The following PCED1B variants were observed in gnomAD, a reference collection of about 807,000 sequenced individuals.
The protein encoded by PCED1B is PC-esterase domain-containing protein 1B.
For synonymous variants in PCED1B, 251 were observed against 246.1 expected (o/e 1.02, Z -0.19); for missense variants, 573 against 573.9 (o/e 1.00, Z 0.02).
chr12:47,135,594 G>A (rs1364267029), intron 2 of PCED1B: 2 of 503,236 alleles, frequency 4.0e-6, no homozygotes, highest in Non-Finnish European at 8.1e-6. Flanking sequence ...TGGAGACACA[G>A]GCCTGGGCCC....
At chr12:47,159,860 T>C (rs1941313070) in intron 2 of PCED1B, among the ~76,000 whole-genome samples, 1 of 152,212 alleles carries the variant, frequency 6.6e-6, no homozygotes, top group South Asian at 2.1e-4. Context: ...CTAGTAGTTT[T>C]ATAGTTTCGG....
chr12:47,197,082 T>C (rs972282204), intron 2 of PCED1B, among the ~76,000 whole-genome samples: 4 of 146,252 alleles, frequency 2.7e-5, no homozygotes, highest in East Asian at 2.0e-4. Flanking sequence ...CTACTAAAAA[T>C]ATAAAAATTA....
intron 1 of PCED1B, among the ~76,000 whole-genome samples, chr12:47,095,301 A>T (rs973704285): frequency 6.6e-6 from 1 of 152,056 alleles, no homozygotes; most frequent in African/African-American, 2.4e-5. Context: ...ATGTTGATAA[A>T]TCAACTGTGA....
At chr12:47,217,841 T>G (rs893205549) in intron 3 of PCED1B, among the ~76,000 whole-genome samples, 1 of 152,180 alleles carries the variant, frequency 6.6e-6, no homozygotes, top group African/African-American at 2.4e-5. Flanking sequence ...CCTCCCAAAG[T>G]GTTGGGATTA....
At chr12:47,104,403 A>G (rs1938853664) in intron 2 of PCED1B, among the ~76,000 whole-genome samples, 1 of 152,230 alleles carries the variant, frequency 6.6e-6, no homozygotes, top group Non-Finnish European at 1.5e-5. Context: ...CATTGTATTG[A>G]AATGTTATGA....
intron 2 of PCED1B, among the ~76,000 whole-genome samples, chr12:47,110,834 A>G (rs1939161565): frequency 6.6e-6 from 1 of 152,212 alleles, no homozygotes; most frequent in South Asian, 2.1e-4. Flanking sequence ...AATGACAAAC[A>G]CACACAAAGC....
chr12:47,204,513 A>G (rs1480925956), intron 2 of PCED1B, among the ~76,000 whole-genome samples: 1 of 152,152 alleles, frequency 6.6e-6, no homozygotes, highest in Non-Finnish European at 1.5e-5. Flanking sequence ...GAATCTATAT[A>G]CAAAGAACAA....
chr12:47,185,029 C>T (rs889512091), intron 2 of PCED1B, among the ~76,000 whole-genome samples: 1 of 152,126 alleles, frequency 6.6e-6, no homozygotes, highest in Non-Finnish European at 1.5e-5. Context: ...CTTTCCTTTC[C>T]ACCAGCTTTA....
At chr12:47,182,358 C>A (rs1436319250) in intron 2 of PCED1B, among the ~76,000 whole-genome samples, 1 of 152,152 alleles carries the variant, frequency 6.6e-6, no homozygotes, top group Non-Finnish European at 1.5e-5. Flanking sequence ...CGTTGGGAGG[C>A]TGAGGCAGGC....
chr12:47,204,782 T>C lies in PCED1B; in HGVS notation c.-525-11440T>C, dbSNP rs74084707. 4.6e-3 allele frequency among the ~76,000 whole-genome samples: 699 copies of C among 152,322 alleles called. 7 individuals carry two copies. The highest frequency in any genetic ancestry group is 0.016 in the African/African-American group (667 of 41,566). On this transcript the variant is annotated intron_variant, in intron 2 of 3. Coordinates refer to ENST00000546455, the MANE Select transcript of PCED1B (RefSeq NM_138371.3). ...CTGAATTTGCCTTATTGTCTACAGATGGGCCATAACATTTATTTCTAATTT... is the reference window on the plus strand; with the variant it reads ...CTGAATTTGCCTTATTGTCTACAGACGGGCCATAACATTTATTTCTAATTT...
intron 2 of PCED1B, among the ~76,000 whole-genome samples, chr12:47,126,863 A>T (rs1014143340): frequency 2.6e-5 from 4 of 151,972 alleles, no homozygotes; most frequent in Admixed American, 6.6e-5. Flanking sequence ...TCCATTCCTG[A>T]TGTTGGTCAC....
chr12:47,091,615 A>G (rs1435254592), intron 1 of PCED1B, among the ~76,000 whole-genome samples: 1 of 152,104 alleles, frequency 6.6e-6, no homozygotes, highest in Non-Finnish European at 1.5e-5. Flanking sequence ...TCTATTTAAC[A>G]AAGGATTGCT....
At chr12:47,089,671 A>G (rs567283027) in intron 1 of PCED1B, among the ~76,000 whole-genome samples, 2 of 151,684 alleles carry the variant, frequency 1.3e-5, no homozygotes, top group East Asian at 1.9e-4. Context: ...TGACAAATCC[A>G]TTGTCACAAG....
intron 2 of PCED1B, among the ~76,000 whole-genome samples, chr12:47,119,110 A>G (rs564508495): frequency 1.3e-5 from 2 of 152,334 alleles, no homozygotes; most frequent in South Asian, 4.1e-4. Context: ...GATTTTCAAC[A>G]GTGATGCAAA....
At chr12:47,121,184 A>G (rs1482312022) in intron 2 of PCED1B, among the ~76,000 whole-genome samples, 1 of 152,236 alleles carries the variant, frequency 6.6e-6, no homozygotes, top group Non-Finnish European at 1.5e-5. Context: ...AAAATGAGTG[A>G]AAAAATCTTA....
intron 1 of PCED1B, among the ~76,000 whole-genome samples, chr12:47,081,776 C>T (rs1165162661): frequency 1.3e-5 from 2 of 152,078 alleles, no homozygotes; most frequent in Non-Finnish European, 2.9e-5. Context: ...TACTAATTAA[C>T]ATCGTATTTT....
chr12:47,112,273 A>G (rs1464397550), intron 2 of PCED1B, among the ~76,000 whole-genome samples: 6 of 152,238 alleles, frequency 3.9e-5, no homozygotes, highest in Admixed American at 6.5e-5. Context: ...CCAAACTTGC[A>G]TCAGGGGATT....
chr12:47,221,695 T>A (rs1471371149), intron 3 of PCED1B, among the ~76,000 whole-genome samples: 2 of 152,194 alleles, frequency 1.3e-5, no homozygotes, highest in African/African-American at 4.8e-5. Context: ...CTGCCATCAT[T>A]CCCATTGTTG....
chr12:47,107,022 G>T (rs887860513), intron 2 of PCED1B, among the ~76,000 whole-genome samples: 1 of 152,100 alleles, frequency 6.6e-6, no homozygotes, highest in African/African-American at 2.4e-5. Context: ...CCCCATCTCA[G>T]TTACCCGGCC....
Sources: gnomAD v4.1 joint callset for allele counts (sites outside exome capture counted in the v4.1 genomes callset) on GRCh38, gnomAD v4.1.1 for gene constraint, MANE v1.5 for transcripts, NCBI Gene and HGNC (gene_info 2026-07-23, HGNC 2026-07-21) for gene names.